Variants in AMN observed in about 807,000 individuals in gnomAD.
AMN encodes the protein amnion associated transmembrane protein.
In AMN, 40 loss-of-function variants were observed where a neutral mutation model predicts 49.1. The ratio of observed to expected loss-of-function variants is 0.81; its 90% CI spans 0.63 to 1.06. AMN has a LOEUF of 1.06. Ranked by LOEUF, AMN falls within the 50% of genes least tolerant of loss-of-function variation. The pLI is 0.00. For synonymous variants in AMN, 380 were observed against 313.3 expected (o/e 1.21, Z -2.25); for missense variants, 701 against 662.8 (o/e 1.06, Z -0.63).
chr14:102,925,332 C>T (rs189615581), intron 3 of AMN, among the ~76,000 whole-genome samples: 42 of 152,362 alleles, frequency 2.8e-4, no homozygotes, highest in Non-Finnish European at 2.9e-4. Context: ...GACCCTGGGC[C>T]TCATTTCCAC....
chr14:102,930,035 G>A lies in AMN; in HGVS notation c.955G>A (p.Gly319Ser). The A allele has an allele frequency of 6.5e-7, 1 of 1,549,928 alleles. No individual in the cohort carries two copies. Among genetic ancestry groups the A allele is most frequent in the Non-Finnish European group, 8.7e-7 (1 of 1,147,796 alleles). The change falls in exon 9 of 12, where the codon GGC becomes AGC. Residue 319 changes from glycine (G) to serine (S), a missense_variant. Coordinates refer to ENST00000299155, the MANE Select transcript of AMN (RefSeq NM_030943.4). Reference protein sequence around the residue: ...VVLVENGPETGGAGRLARALL... With the variant: ...VVLVENGPETSGAGRLARALL... ...GCTGGTGGAGAATGGGCCCGAGACA[G>A]GCGGAGCGGGGCGGCTGGCCCGGGC...
intron 10 of AMN, 25 bp from the exon 11 acceptor site, chr14:102,930,381 C>T (rs1317881712): frequency 2.7e-6 from 4 of 1,499,660 alleles, no homozygotes; most frequent in Middle Eastern, 2.3e-4. Flanking sequence ...GAGGGGCTCA[C>T]GCTGCGTCCC....
chr14:102,930,152 C>T lies in AMN; in HGVS notation c.1007-13C>T, dbSNP rs1314360910. The T allele has an allele frequency of 1.3e-6, 2 of 1,493,046 alleles. No homozygotes were observed. Among genetic ancestry groups the T allele is most frequent in the Non-Finnish European group, 8.9e-7 (1 of 1,127,972 alleles). The allele number at this position is 1,493,046 out of a possible 1,614,324, so 92.5% of individuals were successfully genotyped here. On this transcript the variant is annotated splice_polypyrimidine_tract_variant and intron_variant, in intron 9 of 11. Coordinates refer to ENST00000299155, the MANE Select transcript of AMN (RefSeq NM_030943.4). ...CCGCCGCGGGGAAGACTGAGCCGGCCCCTCCGTCGCAGGCGAGGCCCTCGG... is the reference window on the plus strand; with the variant it reads ...CCGCCGCGGGGAAGACTGAGCCGGCTCCTCCGTCGCAGGCGAGGCCCTCGG...
At position 102,922,765 on chromosome 14, in the gene AMN, G is replaced by A. The variant is rs750958756; in HGVS notation, c.43+34G>A. 5.1e-6 allele frequency: 8 copies of A among 1,563,828 alleles called. No homozygotes were observed. In the East Asian group the frequency reaches 1.9e-4, roughly 36 times the overall value. ...GGACCACACCGGTGCGGGCCCGGAC[G>A]GTAGCGGTCTGTCAGGACCCAGGGC... On this transcript the variant is annotated intron_variant, in intron 1 of 11. Coordinates refer to ENST00000299155, the MANE Select transcript of AMN (RefSeq NM_030943.4).
intron 3 of AMN, 67 bp from the exon 4 acceptor site, chr14:102,928,359 G>T: frequency 7.0e-7 from 1 of 1,426,460 alleles, no homozygotes; most frequent in African/African-American, 1.4e-5. Flanking sequence ...AGGGGACTGG[G>T]GGCGGGGTGG....
Position 102,930,789 on chromosome 14 carries a change from C to G in AMN, c.*109C>G. 1 of 1,253,940 alleles carries G rather than the reference C, an allele frequency of 8.0e-7. No homozygotes were observed. Among genetic ancestry groups the G allele is most frequent in the Non-Finnish European group, 1.1e-6 (1 of 890,402 alleles). The allele number at this position is 1,253,940 out of a possible 1,614,324, so 77.7% of individuals were successfully genotyped here. On this transcript the variant is annotated 3_prime_UTR_variant, in exon 12 of 12. Transcript: ENST00000299155. ...CCCCAAACCTCCCCTTCCTTTCCCCCTCCTCCGGGGGCCAAGGACAGGGTG... is the reference window on the plus strand; with the variant it reads ...CCCCAAACCTCCCCTTCCTTTCCCCGTCCTCCGGGGGCCAAGGACAGGGTG...
Position 102,930,594 on chromosome 14 carries a change from A to C in AMN, c.1276A>C (p.Ser426Arg), listed in dbSNP as rs1595435025. ...CCCGCAGCCCCTGCCGCGGCGGCTC[A>C]GCCTGGTTCCGAAGGCGGCCGCAGA... is the stretch of plus-strand genomic sequence containing the variant. ...SEELPLPRRLSLVPKAAADST... is the reference protein window; with the variant it reads ...SEELPLPRRLRLVPKAAADST... The change falls in exon 12 of 12, where the codon AGC (serine) becomes CGC (arginine). Residue 426 changes from serine (S) to arginine (R), a missense_variant. Coordinates refer to ENST00000299155, the MANE Select transcript of AMN (RefSeq NM_030943.4). 6.3e-7 allele frequency: 1 copy of C among 1,586,220 alleles called. No homozygotes were observed. Among genetic ancestry groups the C allele is most frequent in the Non-Finnish European group, 8.6e-7 (1 of 1,168,210 alleles).
intron 7 of AMN, 56 bp from the exon 8 acceptor site, chr14:102,929,599 C>T: frequency 1.3e-6 from 2 of 1,547,296 alleles, no homozygotes; most frequent in African/African-American, 1.4e-5. Context: ...CGTCCCCCGC[C>T]TCAGTTTCCT....
chr14:102,928,875 G>A lies in AMN; in HGVS notation c.413G>A (p.Arg138His), dbSNP rs568801729. ...GTGGACGCCGAGCGCGTGCCCTGCCGCCACGACGACGTCTTCTTTCCGCCT... is the reference window on the plus strand; with the variant it reads ...GTGGACGCCGAGCGCGTGCCCTGCCACCACGACGACGTCTTCTTTCCGCCT... ...FFVDAERVPCRHDDVFFPPSA... is the reference protein window; with the variant it reads ...FFVDAERVPCHHDDVFFPPSA... The change falls in exon 5 of 12, where the codon CGC (arginine) becomes CAC (histidine). Residue 138 changes from arginine to histidine, a missense_variant. Transcript: ENST00000299155. 1 of 1,604,126 alleles carries A rather than the reference G, an allele frequency of 6.2e-7. No individual in the cohort carries two copies. The highest frequency in any genetic ancestry group is 8.5e-7 in the Non-Finnish European group (1 of 1,179,796).
At chr14:102,922,939 G>GGGAGA (rs753478163) in intron 1 of AMN, 9 of 685,834 alleles carry the variant, frequency 1.3e-5, no homozygotes, top group Non-Finnish European at 2.1e-5. Context: ...CGGGCGGTGC[G>GGGAGA]GGAGAGGAGA....
intron 1 of AMN, 171 bp downstream of exon 1, chr14:102,922,902 C>A: frequency 2.0e-6 from 2 of 977,042 alleles, no homozygotes; most frequent in East Asian, 2.8e-5. Context: ...GGCGAGTGCG[C>A]AGCCCGGAAG....
At chr14:102,923,584 G>A (rs1891114398) in intron 1 of AMN, 127 bp from the exon 2 acceptor site, 7 of 908,770 alleles carry the variant, frequency 7.7e-6, no homozygotes, top group East Asian at 2.5e-5. Flanking sequence ...CCGGGCCCCC[G>A]GGGATGGGGT....
At chr14:102,927,521 C>T (rs1040602967) in intron 3 of AMN, among the ~76,000 whole-genome samples, 2 of 152,220 alleles carry the variant, frequency 1.3e-5, no homozygotes, top group African/African-American at 2.4e-5. Flanking sequence ...AGTGCCACAC[C>T]CTCAGGTGTG....
chr14:102,924,063 G>A lies in AMN; in HGVS notation c.207+84G>A, dbSNP rs563397369. 1.8e-5 allele frequency: 28 copies of A among 1,584,494 alleles called. No homozygotes were observed. In the Admixed American group the frequency reaches 1.8e-4, roughly 10 times the overall value. ...TCAGGGACTGCTGTGCCTTGAGGGC[G>A]GACCCCACCGGCATGGAGGCACTGC... On this transcript the variant is annotated intron_variant, in intron 3 of 11. Transcript: ENST00000299155.
Position 102,930,620 on chromosome 14 carries a change from C to A in AMN, c.1302C>A (p.Asp434Glu), listed in dbSNP as rs1891330594. 2 of 1,595,050 alleles carry A rather than the reference C, an allele frequency of 1.3e-6. No homozygotes were observed. Among genetic ancestry groups the A allele is most frequent in the South Asian group, 1.1e-5 (1 of 88,414 alleles). ...GCCTGGTTCCGAAGGCGGCCGCAGA[C>A]AGCACCAGCCACAGTTACTTCGTCA... ...RLSLVPKAAA[D>E]STSHSYFVNP... The change falls in exon 12 of 12, where the codon GAC (aspartate) becomes GAA (glutamate). Residue 434 changes from aspartate to glutamate, a missense_variant. Asp to Glu is a conservative substitution (Grantham distance 45). Transcript: ENST00000299155.
At position 102,930,657 on chromosome 14, in the gene AMN, G is replaced by A. The variant is rs1027973780; in HGVS notation, c.1339G>A (p.Ala447Thr). Residue 447 changes from alanine to threonine, a missense_variant, in exon 12 of 12, where the codon GCC (alanine) becomes ACC (threonine). Transcript: ENST00000299155. ...SHSYFVNPLF[A>T]GAEAEA Reference sequence around the variant, plus strand: ...CAGTTACTTCGTCAACCCTCTGTTCGCCGGGGCCGAGGCCGAGGCCTGAGC... The same window carrying A: ...CAGTTACTTCGTCAACCCTCTGTTCACCGGGGCCGAGGCCGAGGCCTGAGC... 6.3e-7 allele frequency: 1 copy of A among 1,590,966 alleles called. No homozygotes were observed. The highest frequency in any genetic ancestry group is 8.5e-7 in the Non-Finnish European group (1 of 1,171,602).
Position 102,923,920 on chromosome 14 carries a change from A to G in AMN, c.163-15A>G. 1 of 1,613,098 alleles carries G rather than the reference A, an allele frequency of 6.2e-7. No homozygotes were observed. The highest frequency in any genetic ancestry group is 8.5e-7 in the Non-Finnish European group (1 of 1,180,000). On this transcript the variant is annotated splice_polypyrimidine_tract_variant and intron_variant, in intron 2 of 11. Coordinates refer to ENST00000299155, the MANE Select transcript of AMN (RefSeq NM_030943.4). ...GGGTTGCTCCCGGCTCGGCTGAGGC[A>G]GCTTCTTCCTGCAGATGGTGTCAGT...
intron 1 of AMN, 131 bp from the exon 2 acceptor site, chr14:102,923,580 C>T: frequency 1.1e-6 from 1 of 879,072 alleles, no homozygotes; most frequent in Admixed American, 1.8e-5. Flanking sequence ...GGGTCCGGGC[C>T]CCCGGGGATG....
intron 1 of AMN, chr14:102,923,394 C>T (rs1221897605): frequency 1.2e-5 from 5 of 414,332 alleles, no homozygotes; most frequent in Admixed American, 3.6e-5. Flanking sequence ...TTGTCACTGT[C>T]CTTAACAACG....
Sources: allele counts gnomAD v4.1 joint callset (sites outside exome capture counted in the v4.1 genomes callset), GRCh38; gene constraint gnomAD v4.1.1; transcripts MANE v1.5; gene names NCBI Gene and HGNC (gene_info 2026-07-23, HGNC 2026-07-21).